The following TBC1D2B variants were observed in gnomAD, a reference collection of about 807,000 sequenced individuals.
TBC1D2B encodes TBC1 domain family member 2B.
Under a neutral mutation model 100.8 loss-of-function variants are expected in TBC1D2B, and 64 were observed. The observed-to-expected ratio is 0.64, with a 90% confidence interval of 0.52 to 0.78. The LOEUF (loss-of-function observed/expected upper bound fraction) is 0.78, where lower values mean the gene tolerates loss of function less well. Among genes scored for constraint, TBC1D2B ranks in the 30% least tolerant of loss-of-function variants. The pLI is 0.00. For missense variants in TBC1D2B, 1,052 were observed against 1,218.4 expected (o/e 0.86, Z 2.03); for synonymous variants, 480 against 479.7 (o/e 1.00, Z -0.01).
chr15:78,020,187 G>T (rs997842663), intron 6 of TBC1D2B, among the ~76,000 whole-genome samples: 1 of 152,104 alleles, frequency 6.6e-6, no homozygotes, highest in Non-Finnish European at 1.5e-5. Context: ...CTGGCCAAAG[G>T]TCTCATATTT....
intron 4 of TBC1D2B, 109 bp downstream of exon 4, chr15:78,029,898 A>T (rs1338428961): frequency 1.4e-5 from 12 of 828,124 alleles, no homozygotes; most frequent in African/African-American, 1.2e-4. Flanking sequence ...GCAAGCCCCC[A>T]TTGGTCCTTA....
chr15:78,039,836 C>G (rs1054109183), intron 3 of TBC1D2B, among the ~76,000 whole-genome samples: 9 of 151,820 alleles, frequency 5.9e-5, no homozygotes, highest in Non-Finnish European at 1.0e-4. Flanking sequence ...GTCACTAGCT[C>G]AACATCACAC....
At chr15:78,069,330 C>T (rs906472087) in intron 1 of TBC1D2B, among the ~76,000 whole-genome samples, 11 of 152,210 alleles carry the variant, frequency 7.2e-5, no homozygotes, top group Admixed American at 2.0e-4. Context: ...GCCACACACA[C>T]ACCTGCCAAA....
In TBC1D2B at chr15:78,051,612, A is replaced by G. The variant is rs372541952; in HGVS notation, c.514+2422T>C. Among the ~76,000 whole-genome samples, 11 of 152,364 alleles carry G rather than the reference A, an allele frequency of 7.2e-5. No homozygotes were observed. The South Asian group carries it at 1.0e-3, about 14-fold the overall frequency. On this transcript the variant is annotated intron_variant, in intron 2 of 12. Transcript: ENST00000300584. ...TGATGGGTGATGCCCACTAGACTAC[A>G]AATCAAAATGTTCCAAACAACTGGG...
intron 1 of TBC1D2B, among the ~76,000 whole-genome samples, chr15:78,075,729 G>C (rs571580990): frequency 4.3e-4 from 66 of 152,240 alleles, no homozygotes; most frequent in African/African-American, 1.5e-3. Flanking sequence ...GTTTTCTTTG[G>C]GGAAACAGGC....
intron 1 of TBC1D2B, among the ~76,000 whole-genome samples, chr15:78,076,232 A>G (rs1278689016): frequency 2.6e-5 from 4 of 152,152 alleles, no homozygotes; most frequent in Admixed American, 6.5e-5. Flanking sequence ...TCTACACTGT[A>G]TCTCTCATTT....
At position 77,995,088 on chromosome 15, in the gene TBC1D2B, C is replaced by G. The variant is rs1275651482; in HGVS notation, c.*3072G>C. On this transcript the variant is annotated 3_prime_UTR_variant, in exon 13 of 13. Transcript: ENST00000300584. Reference sequence around the variant, plus strand: ...GCTGTGATATAAAAGGAGAGAGTCACCTGGCGCCCCCTGCAGTCCTCCAGT... The same window carrying G: ...GCTGTGATATAAAAGGAGAGAGTCAGCTGGCGCCCCCTGCAGTCCTCCAGT... The G allele has an allele frequency of 6.6e-6, 1 of 152,198 alleles. No individual in the cohort carries two copies. The highest frequency in any genetic ancestry group is 6.5e-5 in the Admixed American group (1 of 15,276). The allele number at this position is 152,198 out of a possible 1,614,324, so 9.4% of individuals were successfully genotyped here.
intron 6 of TBC1D2B, among the ~76,000 whole-genome samples, chr15:78,022,479 C>T (rs2072539371): frequency 6.6e-6 from 1 of 152,062 alleles, no homozygotes; most frequent in Admixed American, 6.5e-5. Flanking sequence ...ATTAAAAAAC[C>T]CAACTTCCAT....
intron 1 of TBC1D2B, among the ~76,000 whole-genome samples, chr15:78,070,093 C>T (rs2073720208): frequency 6.6e-6 from 1 of 152,224 alleles, no homozygotes; most frequent in Non-Finnish European, 1.5e-5. Flanking sequence ...CAAAATCCTG[C>T]CCTGGCCCAA....
intron 12 of TBC1D2B, among the ~76,000 whole-genome samples, chr15:78,000,461 A>G (rs1349605474): frequency 6.6e-6 from 1 of 152,268 alleles, no homozygotes; most frequent in Non-Finnish European, 1.5e-5. Context: ...CGAGATGAAC[A>G]GAAACCCTCC....
At chr15:78,039,177 C>A (rs1353739836) in intron 3 of TBC1D2B, among the ~76,000 whole-genome samples, 1 of 152,178 alleles carries the variant, frequency 6.6e-6, no homozygotes, top group African/African-American at 2.4e-5. Context: ...CATAGCTGTG[C>A]CTTCCAACAA....
chr15:77,997,969 G>C lies in TBC1D2B; in HGVS notation c.*191C>G. 2.1e-6 allele frequency: 1 copy of C among 484,674 alleles called. No homozygotes were observed. The highest frequency in any genetic ancestry group is 3.6e-6 in the Non-Finnish European group (1 of 280,744). 30.0% of individuals were successfully genotyped at this position (484,674 alleles called of 1,614,324 possible). A position where few individuals can be genotyped will look rare whatever the true frequency, so the allele number is the denominator to read the frequency against. On this transcript the variant is annotated 3_prime_UTR_variant, in exon 13 of 13. Transcript: ENST00000300584. ...TAACCAAAAGCATGGCACGGAAATGGTTGTAAACAGATTAGACCTCCCACC... is the reference window on the plus strand; with the variant it reads ...TAACCAAAAGCATGGCACGGAAATGCTTGTAAACAGATTAGACCTCCCACC...
chr15:78,027,613 C>A (rs1168926263), intron 4 of TBC1D2B, among the ~76,000 whole-genome samples: 1 of 152,194 alleles, frequency 6.6e-6, no homozygotes, highest in Non-Finnish European at 1.5e-5. Flanking sequence ...GCTAAGAAGG[C>A]TGTCATCCGT....
chr15:78,015,325 T>C (rs999540685), intron 8 of TBC1D2B, among the ~76,000 whole-genome samples: 3 of 152,228 alleles, frequency 2.0e-5, no homozygotes, highest in Admixed American at 6.5e-5. Flanking sequence ...CTCAAGTTAG[T>C]TGCACACAGG....
intron 9 of TBC1D2B, among the ~76,000 whole-genome samples, chr15:78,011,712 A>G (rs2072235850): frequency 6.8e-6 from 1 of 146,474 alleles, no homozygotes; most frequent in Non-Finnish European, 1.5e-5. Context: ...GCAGTGGTGC[A>G]ATGCTGGCTC....
chr15:78,077,081 G>C (rs999392173), intron 1 of TBC1D2B, among the ~76,000 whole-genome samples: 1 of 152,244 alleles, frequency 6.6e-6, no homozygotes, highest in Non-Finnish European at 1.5e-5. Context: ...GAAAGGAGAC[G>C]GGGCTTGGTA....
At chr15:78,016,431 T>C (rs2072376924) in intron 8 of TBC1D2B, 115 bp downstream of exon 8, 7 of 959,196 alleles carry the variant, frequency 7.3e-6, no homozygotes, top group Middle Eastern at 3.3e-4. Context: ...GCATTTGTCA[T>C]GAGCACCAAA....
At chr15:78,025,547 G>GT (rs963919477) in intron 4 of TBC1D2B, 50 bp from the exon 5 acceptor site, 6 of 1,350,540 alleles carry the variant, frequency 4.4e-6, no homozygotes, top group African/African-American at 1.5e-5. Flanking sequence ...TTATTTTTGA[G>GT]ACGGAGTGTC....
At chr15:78,004,647 C>T (rs1352146884) in intron 10 of TBC1D2B, among the ~76,000 whole-genome samples, 1 of 152,226 alleles carries the variant, frequency 6.6e-6, no homozygotes, top group East Asian at 1.9e-4. Context: ...GTGGACTACA[C>T]TTTGATGCTT....
Sources: allele counts gnomAD v4.1 joint callset (sites outside exome capture counted in the v4.1 genomes callset), GRCh38; gene constraint gnomAD v4.1.1; transcripts MANE v1.5; gene names NCBI Gene and HGNC (gene_info 2026-07-23, HGNC 2026-07-21).